Variants in KIF1B observed in about 807,000 individuals in gnomAD.
KIF1B encodes kinesin-like protein KIF1B.
In KIF1B, 76 loss-of-function variants were observed where a neutral mutation model predicts 241.9. That is an observed-to-expected ratio of 0.31 (90% CI 0.26 to 0.38). The LOEUF (loss-of-function observed/expected upper bound fraction) is 0.38, where lower values mean the gene tolerates loss of function less well. Among genes scored for constraint, KIF1B ranks in the 10% least tolerant of loss-of-function variants. The pLI is 1.00. For synonymous variants in KIF1B, 750 were observed against 796.7 expected (o/e 0.94, Z 0.99); for missense variants, 1,622 against 2,271.4 (o/e 0.71, Z 5.81).
At chr1:10,293,755 T>C (rs564378449) in intron 17 of KIF1B, among the ~76,000 whole-genome samples, 1 of 152,288 alleles carries the variant, frequency 6.6e-6, no homozygotes, top group Admixed American at 6.5e-5. Flanking sequence ...ATAAATAACT[T>C]GAACAAATGT....
Position 10,303,247 on chromosome 1 carries a change from C to T in KIF1B, c.2115+6001C>T. The T allele has an allele frequency of 1.2e-6, 2 of 1,614,088 alleles. No homozygotes were observed. Among genetic ancestry groups the T allele is most frequent in the Non-Finnish European group, 1.7e-6 (2 of 1,179,970 alleles). On this transcript the variant is annotated intron_variant, in intron 22 of 48. Transcript: ENST00000676179. The surrounding 1 kb of genome is among the most constrained non-coding windows in gnomAD (Gnocchi z 5.2). Reference sequence around the variant, plus strand: ...ACTGATTACTTCTCTGAGAGAAAAGCTACCTCCCAGCAAGTTGCAAACCAT... The same window carrying T: ...ACTGATTACTTCTCTGAGAGAAAAGTTACCTCCCAGCAAGTTGCAAACCAT...
In KIF1B at chr1:10,303,791, C is replaced by A. The variant is rs1299989581; in HGVS notation, c.2115+6545C>A. 5.0e-6 allele frequency: 8 copies of A among 1,614,004 alleles called. No individual in the cohort carries two copies. The African/African-American group carries it at 8.0e-5, about 16-fold the overall frequency. ...ATCGGATCTCAGGAACAGAAAAGCCCAGGAAGCCACAAAGCAAAGGAGCCT... is the reference window on the plus strand; with the variant it reads ...ATCGGATCTCAGGAACAGAAAAGCCAAGGAAGCCACAAAGCAAAGGAGCCT... On this transcript the variant is annotated intron_variant, in intron 22 of 48. Coordinates refer to ENST00000676179, the MANE Select transcript of KIF1B (RefSeq NM_001365951.3). The surrounding 1 kb of genome is among the most constrained non-coding windows in gnomAD (Gnocchi z 5.2).
rs1162229178 is a variant in KIF1B, at chr1:10,215,138, TTATATATATA to T, written c.-80+4286_-80+4295del. ...TGATGGATTTAAAAATTTATATATTTTATATATATATATATATATATATATATATATATAT... is the reference window on the plus strand; with the variant it reads ...TGATGGATTTAAAAATTTATATATTTTATATATATATATATATATATATAT... On this transcript the variant is annotated intron_variant, in intron 1 of 48. Coordinates refer to ENST00000676179, the MANE Select transcript of KIF1B (RefSeq NM_001365951.3). Among the ~76,000 whole-genome samples, 328 of 59,540 alleles carry T rather than the reference TTATATATATA, an allele frequency of 5.5e-3. 5 individuals carry two copies. The highest frequency in any genetic ancestry group is 0.022 in the Middle Eastern group (1 of 46). 39.1% of individuals were successfully genotyped at this position (59,540 alleles called of 152,430 possible).
intron 32 of KIF1B, among the ~76,000 whole-genome samples, chr1:10,341,507 G>A (rs760936041): frequency 6.6e-6 from 1 of 152,210 alleles, no homozygotes; most frequent in Non-Finnish European, 1.5e-5. Context: ...AATAGTAAGT[G>A]TGGGAAGGAC....
Position 10,292,028 on chromosome 1 carries a change from A to G in KIF1B, c.1515-19A>G. The stretch of plus-strand genomic sequence containing the variant: ...GACATTTTGGTATTAGTGTTCTGAT[A>G]TACCTGTTTTTTTCCTAGAGAGGCT... On this transcript the variant is annotated intron_variant, in intron 16 of 48. Coordinates refer to ENST00000676179, the MANE Select transcript of KIF1B (RefSeq NM_001365951.3). 6.2e-7 allele frequency: 1 copy of G among 1,607,176 alleles called. No homozygotes were observed. The highest frequency in any genetic ancestry group is 1.1e-5 in the South Asian group (1 of 90,946).
At chr1:10,360,472 G>C (rs2102344050) in intron 38 of KIF1B, among the ~76,000 whole-genome samples, 1 of 152,130 alleles carries the variant, frequency 6.6e-6, no homozygotes, top group East Asian at 1.9e-4. Context: ...ATCATCTGAG[G>C]TCAGGAGTTC....
intron 26 of KIF1B, among the ~76,000 whole-genome samples, chr1:10,325,285 G>T (rs1443908836): frequency 6.6e-6 from 1 of 151,910 alleles, no homozygotes; most frequent in Non-Finnish European, 1.5e-5. Context: ...TTTTTAAAAA[G>T]CAATTCATCC....
chr1:10,273,740 C>A (rs113905330), intron 10 of KIF1B, among the ~76,000 whole-genome samples: 2,104 of 70,410 alleles, frequency 0.03, 116 homozygotes, highest in African/African-American at 0.055. Flanking sequence ...AAAAAAAAAA[C>A]CCAACAAACA....
At chr1:10,331,565 T>G (rs1651922217) in intron 27 of KIF1B, among the ~76,000 whole-genome samples, 1 of 152,254 alleles carries the variant, frequency 6.6e-6, no homozygotes, top group African/African-American at 2.4e-5. Context: ...TTTTCTGTGA[T>G]GTATTATGTC....
intron 7 of KIF1B, among the ~76,000 whole-genome samples, chr1:10,270,953 A>G (rs1648760870): frequency 6.6e-6 from 1 of 151,526 alleles, no homozygotes; most frequent in Non-Finnish European, 1.5e-5. Context: ...GAAAGAAAAT[A>G]AATGTCAAAT....
chr1:10,310,482 C>T (rs1003739235), intron 22 of KIF1B, among the ~76,000 whole-genome samples: 3 of 151,458 alleles, frequency 2.0e-5, no homozygotes, highest in African/African-American at 4.9e-5. Context: ...TGTTGTAGTA[C>T]GAAAGCAGCC....
intron 1 of KIF1B, among the ~76,000 whole-genome samples, chr1:10,214,226 G>A (rs572434313): frequency 1.3e-5 from 2 of 152,162 alleles, no homozygotes; most frequent in African/African-American, 2.4e-5. Flanking sequence ...TTAACTGAGG[G>A]TGCATGTAGA....
intron 22 of KIF1B, among the ~76,000 whole-genome samples, chr1:10,316,759 C>T (rs549426489): frequency 6.6e-6 from 1 of 151,648 alleles, no homozygotes; most frequent in African/African-American, 2.4e-5. Flanking sequence ...GCCTCAGCCT[C>T]CCAAAGTGCT....
At chr1:10,361,865 C>T (rs1638433688) in intron 40 of KIF1B, 40 bp downstream of exon 40, 2 of 1,606,908 alleles carry the variant, frequency 1.2e-6, no homozygotes, top group Non-Finnish European at 1.7e-6. Context: ...TGTGTTTGTT[C>T]AGTACAACAG....
At position 10,336,611 on chromosome 1, in the gene KIF1B, CT is replaced by C. The variant is rs755283233; in HGVS notation, c.3044-45del. ...GCAAGAGCTTTTTCCCTCCCTCCCCCTGTGTAGTCTCACTCAATTCTTGCTA... is the reference window on the plus strand; with the variant it reads ...GCAAGAGCTTTTTCCCTCCCTCCCCCGTGTAGTCTCACTCAATTCTTGCTA... On this transcript the variant is annotated intron_variant, in intron 28 of 48. Transcript: ENST00000676179. The C allele has an allele frequency of 2.1e-6, 3 of 1,449,194 alleles. No homozygotes were observed. In the South Asian group the frequency reaches 3.4e-5, roughly 17 times the overall value. 89.8% of individuals were successfully genotyped at this position (1,449,194 alleles called of 1,614,324 possible). A position where few individuals can be genotyped will look rare whatever the true frequency, so the allele number is the denominator to read the frequency against.
rs2102368635 is a variant in KIF1B, at chr1:10,378,761, T to C, written c.*2174T>C. ...AGAACAGGTCTCCCAGCTTCGCTCC[T>C]TATCACTGCATTGTGAAGAGGAGGA... On this transcript the variant is annotated 3_prime_UTR_variant, in exon 49 of 49. Transcript: ENST00000676179. The C allele has an allele frequency of 3.1e-6, 1 of 317,774 alleles. No individual in the cohort carries two copies. Among genetic ancestry groups the C allele is most frequent in the Admixed American group, 4.6e-5 (1 of 21,970 alleles). The allele number at this position is 317,774 out of a possible 1,614,324, so 19.7% of individuals were successfully genotyped here.
chr1:10,329,154 A>G (rs948890359), intron 27 of KIF1B, among the ~76,000 whole-genome samples: 1 of 152,218 alleles, frequency 6.6e-6, no homozygotes, highest in Admixed American at 6.5e-5. Context: ...TGGCTCAGGA[A>G]TTGATTTTTC....
Position 10,272,271 on chromosome 1 carries a change from A to T in KIF1B, c.829A>T (p.Thr277Ser). Residue 277 changes from threonine to serine, a missense_variant, in exon 9 of 49, where the codon ACT becomes TCT. Thr to Ser is a moderately conservative substitution (Grantham distance 58, BLOSUM62 1). This residue lies in a region of KIF1B where 201 missense variants were observed against 301.2 expected (regional missense o/e 0.67). Coordinates refer to ENST00000676179, the MANE Select transcript of KIF1B (RefSeq NM_001365951.3). ...EGANINKSLT[T>S]LGKVISALAE... Reference sequence around the variant, plus strand: ...AGCAAATATTAATAAGTCTCTTACAACTTTGGGCAAAGTCATTTCAGCCTT... The same window carrying T: ...AGCAAATATTAATAAGTCTCTTACATCTTTGGGCAAAGTCATTTCAGCCTT... 1 of 1,607,376 alleles carries T rather than the reference A, an allele frequency of 6.2e-7. No homozygotes were observed. Among genetic ancestry groups the T allele is most frequent in the Non-Finnish European group, 8.5e-7 (1 of 1,173,898 alleles).
chr1:10,228,491 T>G (rs1410815740), intron 1 of KIF1B, among the ~76,000 whole-genome samples: 1 of 152,176 alleles, frequency 6.6e-6, no homozygotes, highest in Non-Finnish European at 1.5e-5. Flanking sequence ...AAGTCATGCT[T>G]TAGAGGGGTT....
Sources: gnomAD v4.1 joint callset for allele counts (sites outside exome capture counted in the v4.1 genomes callset) on GRCh38, gnomAD v4.1.1 for gene constraint, gnomAD v4.1.1 regional missense constraint, Gnocchi (gnomAD v3.1) non-coding constraint, MANE v1.5 for transcripts, NCBI Gene and HGNC (gene_info 2026-07-23, HGNC 2026-07-21) for gene names.